The following ERBB4 variants were observed in gnomAD, a reference collection of about 807,000 sequenced individuals.
ERBB4 encodes receptor tyrosine-protein kinase erbB-4.
In ERBB4, 42 loss-of-function variants were observed where a neutral mutation model predicts 158.0. That is an observed-to-expected ratio of 0.27 (90% CI 0.21 to 0.34). The LOEUF is 0.34. Among genes scored for constraint, ERBB4 ranks in the 10% least tolerant of loss-of-function variants. The pLI is 1.00. For missense variants in ERBB4, 1,333 were observed against 1,624.1 expected (o/e 0.82, Z 3.08); for synonymous variants, 583 against 558.7 (o/e 1.04, Z -0.61).
chr2:212,454,634 T>C (rs1002391355), intron 1 of ERBB4, among the ~76,000 whole-genome samples: 2 of 152,236 alleles, frequency 1.3e-5, no homozygotes, highest in Non-Finnish European at 2.9e-5. Context: ...ATGAGAACTC[T>C]TCATTAATCA....
chr2:212,003,196 AGAAAGAAAGACAGAAAGAAG>A lies in ERBB4; in HGVS notation c.235-55600_235-55581del, dbSNP rs1252081001. Among the ~76,000 whole-genome samples the A allele has an allele frequency of 9.2e-4, 61 of 66,326 alleles. 2 individuals are homozygous for A. The highest frequency in any genetic ancestry group is 4.1e-3 in the East Asian group (10 of 2,412). The allele number at this position is 66,326 out of a possible 152,430, so 43.5% of individuals were successfully genotyped here. On this transcript the variant is annotated intron_variant, in intron 2 of 27. Coordinates refer to ENST00000342788, the MANE Select transcript of ERBB4 (RefSeq NM_005235.3). ...AAGAAAGAAAGAAAGAAAGAAAGAA[AGAAAGAAAGACAGAAAGAAG>A]GAAGGAAGGAAGGAAGGAAGGAAGG...
intron 1 of ERBB4, among the ~76,000 whole-genome samples, chr2:212,213,898 T>A (rs2083014131): frequency 6.6e-6 from 1 of 151,826 alleles, no homozygotes; most frequent in Admixed American, 6.6e-5. Context: ...TTATCAAAAT[T>A]CAGAGAATTC....
At chr2:211,934,734 G>A (rs2080266299) in intron 3 of ERBB4, among the ~76,000 whole-genome samples, 1 of 151,482 alleles carries the variant, frequency 6.6e-6, no homozygotes, top group African/African-American at 2.4e-5. Flanking sequence ...GCCCAATTAG[G>A]GCATTTCAAT....
chr2:212,515,725 CAATT>C (rs1553656803), intron 1 of ERBB4, among the ~76,000 whole-genome samples: 1 of 151,768 alleles, frequency 6.6e-6, no homozygotes, highest in Non-Finnish European at 1.5e-5. Context: ...ATTTTGAAAT[CAATT>C]GTTAAATGGG....
At chr2:211,634,491 T>C (rs989739520) in intron 16 of ERBB4, among the ~76,000 whole-genome samples, 3 of 152,172 alleles carry the variant, frequency 2.0e-5, no homozygotes, top group African/African-American at 7.2e-5. Context: ...AAGTATAGGA[T>C]AGATATCTTT....
chr2:211,595,226 A>G (rs1367644610), intron 19 of ERBB4, among the ~76,000 whole-genome samples: 2 of 152,198 alleles, frequency 1.3e-5, no homozygotes, highest in African/African-American at 4.8e-5. Context: ...AAAGCAAACA[A>G]CTTGGAGAAT....
chr2:211,859,581 T>G (rs2077960941), intron 3 of ERBB4, among the ~76,000 whole-genome samples: 2 of 152,132 alleles, frequency 1.3e-5, no homozygotes, highest in African/African-American at 4.8e-5. Context: ...CACTCCAGAG[T>G]TATGGAGCTA....
chr2:212,313,957 C>T (rs1184041857), intron 1 of ERBB4, among the ~76,000 whole-genome samples: 1 of 150,918 alleles, frequency 6.6e-6, no homozygotes, highest in Non-Finnish European at 1.5e-5. Flanking sequence ...CCCTTCATCC[C>T]ACAATTTAAA....
At chr2:212,389,160 C>T (rs1225870566) in intron 1 of ERBB4, among the ~76,000 whole-genome samples, 1 of 152,050 alleles carries the variant, frequency 6.6e-6, no homozygotes, top group Non-Finnish European at 1.5e-5. Context: ...ATAACATTAG[C>T]AAACCCCTCT....
At chr2:212,357,179 G>C (rs879424389) in intron 1 of ERBB4, among the ~76,000 whole-genome samples, 1 of 151,490 alleles carries the variant, frequency 6.6e-6, no homozygotes, top group Admixed American at 6.6e-5. Flanking sequence ...TTACAATACA[G>C]GTCTGTAGTA....
chr2:211,562,382 T>C (rs2067420728), intron 19 of ERBB4, among the ~76,000 whole-genome samples: 1 of 152,230 alleles, frequency 6.6e-6, no homozygotes, highest in Non-Finnish European at 1.5e-5. Flanking sequence ...TATGAGATTT[T>C]ACTTATTGCC....
At chr2:212,048,196 G>T (rs1235021020) in intron 2 of ERBB4, among the ~76,000 whole-genome samples, 1 of 152,172 alleles carries the variant, frequency 6.6e-6, no homozygotes, top group Admixed American at 6.5e-5. Context: ...AGAAAGATGG[G>T]CAGAACCAAA....
At chr2:211,556,320 C>T (rs1234711982) in intron 20 of ERBB4, among the ~76,000 whole-genome samples, 4 of 152,130 alleles carry the variant, frequency 2.6e-5, no homozygotes, top group Non-Finnish European at 1.5e-5. Flanking sequence ...GATATTTAGA[C>T]TCCCACACAA....
At chr2:212,286,594 CTTTTTTTTTTTTT>C (rs71054190) in intron 1 of ERBB4, among the ~76,000 whole-genome samples, 1 of 55,540 alleles carries the variant, frequency 1.8e-5, no homozygotes, top group African/African-American at 5.8e-5. Context: ...TAAGTGCTGA[CTTTTTTTTTTTTT>C]TTTTTTTTTT....
chr2:212,486,528 C>G (rs1200150807), intron 1 of ERBB4, among the ~76,000 whole-genome samples: 1 of 152,102 alleles, frequency 6.6e-6, no homozygotes, highest in Non-Finnish European at 1.5e-5. Context: ...ACTTCAGGGA[C>G]TGAATTTGCA....
At chr2:212,434,203 C>G (rs1224372855) in intron 1 of ERBB4, among the ~76,000 whole-genome samples, 5 of 152,048 alleles carry the variant, frequency 3.3e-5, no homozygotes, top group African/African-American at 9.6e-5. Context: ...TTAGAGACCA[C>G]TAACAGTTAA....
At chr2:211,859,083 G>A (rs2077947938) in intron 3 of ERBB4, among the ~76,000 whole-genome samples, 2 of 152,100 alleles carry the variant, frequency 1.3e-5, no homozygotes. Flanking sequence ...TGCTTGGCCG[G>A]CAATGTATCT....
chr2:211,945,041 A>G (rs1414628004), intron 3 of ERBB4, among the ~76,000 whole-genome samples: 3 of 152,186 alleles, frequency 2.0e-5, no homozygotes, highest in Non-Finnish European at 2.9e-5. Context: ...CTTGCTTTGT[A>G]TAACACAAAA....
intron 1 of ERBB4, among the ~76,000 whole-genome samples, chr2:212,230,710 G>T (rs895019704): frequency 2.0e-5 from 3 of 151,992 alleles, no homozygotes; most frequent in Admixed American, 1.3e-4. Context: ...ACTTATTCAG[G>T]TTATCTTTTA....
Sources: allele counts gnomAD v4.1 joint callset (sites outside exome capture counted in the v4.1 genomes callset), GRCh38; gene constraint gnomAD v4.1.1; transcripts MANE v1.5; gene names NCBI Gene and HGNC (gene_info 2026-07-23, HGNC 2026-07-21).